Variants in CRTAC1 observed in about 807,000 individuals in gnomAD.
CRTAC1 encodes the protein cartilage acidic protein 1.
Under a neutral mutation model 67.8 loss-of-function variants are expected in CRTAC1, and 37 were observed. The ratio of observed to expected loss-of-function variants is 0.55; its 90% CI spans 0.42 to 0.72. CRTAC1 has a LOEUF of 0.72. Among genes scored for constraint, CRTAC1 ranks in the 30% least tolerant of loss-of-function variants. CRTAC1 has a pLI of 0.00. For synonymous variants in CRTAC1, 348 were observed against 371.0 expected (o/e 0.94, Z 0.71); for missense variants, 780 against 931.6 (o/e 0.84, Z 2.12).
At chr10:97,970,167 TG>T (rs1480458571) in intron 2 of CRTAC1, among the ~76,000 whole-genome samples, 1 of 152,156 alleles carries the variant, frequency 6.6e-6, no homozygotes, top group African/African-American at 2.4e-5. Context: ...TGGCAAATCC[TG>T]TCGGCTCTAC....
intron 2 of CRTAC1, among the ~76,000 whole-genome samples, chr10:98,010,189 G>A (rs1055225611): frequency 5.9e-5 from 9 of 151,960 alleles, no homozygotes; most frequent in South Asian, 2.1e-4. Context: ...ACATGCGCGC[G>A]CCACCATGCC....
At chr10:97,900,735 T>C (rs2050524995) in intron 8 of CRTAC1, among the ~76,000 whole-genome samples, 1 of 125,086 alleles carries the variant, frequency 8.0e-6, no homozygotes, top group Non-Finnish European at 1.7e-5. Context: ...TTGGACCCCG[T>C]AGCCCCTTTT....
chr10:98,021,802 T>C (rs889053016), intron 1 of CRTAC1, among the ~76,000 whole-genome samples: 1 of 152,190 alleles, frequency 6.6e-6, no homozygotes, highest in Non-Finnish European at 1.5e-5. Flanking sequence ...CTCTGGGCTA[T>C]GAGACTTTGA....
At chr10:97,896,095 A>C in intron 9 of CRTAC1, 110 bp from the exon 10 acceptor site, 1 of 918,994 alleles carries the variant, frequency 1.1e-6, no homozygotes, top group Non-Finnish European at 1.7e-6. Context: ...AGCCAGAGAA[A>C]GCACAGCACC....
Position 98,030,513 on chromosome 10 carries a change from G to A in CRTAC1, c.-41C>T, listed in dbSNP as rs577931766. The A allele has an allele frequency of 2.2e-5, 27 of 1,237,686 alleles. No individual in the cohort carries two copies. Among genetic ancestry groups the A allele is most frequent in the Non-Finnish European group, 2.6e-5 (26 of 982,410 alleles). The allele number at this position is 1,237,686 out of a possible 1,614,324, so 76.7% of individuals were successfully genotyped here. A position where few individuals can be genotyped will look rare whatever the true frequency, so the allele number is the denominator to read the frequency against. On this transcript the variant is annotated 5_prime_UTR_variant, in exon 1 of 15. Coordinates refer to ENST00000370597, the MANE Select transcript of CRTAC1 (RefSeq NM_018058.7). The surrounding 1 kb of genome is among the most constrained non-coding windows in gnomAD (Gnocchi z 4.2). ...CCCGCCGCCTAGGGGCGTGGGAAGCGGGCGCTCGCTGCCGCCTCTGCCGCC... is the reference window on the plus strand; with the variant it reads ...CCCGCCGCCTAGGGGCGTGGGAAGCAGGCGCTCGCTGCCGCCTCTGCCGCC...
rs143553479 is a variant in CRTAC1, at chr10:97,879,519, C to T, written c.1819+730G>A. ...CAAACAACTAAGGTTGTGTCAGTAT[C>T]GCCCAACCTTCCCTTTTCAAAGATG... On this transcript the variant is annotated intron_variant, in intron 14 of 14. Transcript: ENST00000370597. 2,597 of 780,764 alleles carry T rather than the reference C, an allele frequency of 3.3e-3. 9 individuals are homozygous for T. The highest frequency in any genetic ancestry group is 4.6e-3 in the Non-Finnish European group (2,386 of 517,252). 48.4% of individuals were successfully genotyped at this position (780,764 alleles called of 1,614,324 possible).
intron 14 of CRTAC1, among the ~76,000 whole-genome samples, chr10:97,873,157 G>C (rs544365595): frequency 1.3e-5 from 2 of 152,232 alleles, no homozygotes; most frequent in South Asian, 4.2e-4. Context: ...AACTTCTTAA[G>C]GCCACTTCCA....
chr10:98,007,903 G>A lies in CRTAC1; in HGVS notation c.224+3235C>T, dbSNP rs562541003. On this transcript the variant is annotated intron_variant, in intron 2 of 14. Coordinates refer to ENST00000370597, the MANE Select transcript of CRTAC1 (RefSeq NM_018058.7). ...AAAAGACTTCATTGAAGAGGAAGAC[G>A]AAATGAATGCCCAGCACTTGGAAAG... Among the ~76,000 whole-genome samples the A allele has an allele frequency of 4.6e-5, 7 of 152,320 alleles. 1 individual carries two copies. The highest frequency in any genetic ancestry group is 6.8e-3 in the Middle Eastern group (2 of 294).
intron 2 of CRTAC1, among the ~76,000 whole-genome samples, chr10:97,972,040 C>T (rs1341134180): frequency 6.6e-6 from 1 of 152,196 alleles, no homozygotes; most frequent in Non-Finnish European, 1.5e-5. Flanking sequence ...AAACTTGTTT[C>T]TACTGGCAGA....
chr10:97,925,578 G>A (rs1367468440), intron 3 of CRTAC1, among the ~76,000 whole-genome samples: 1 of 150,478 alleles, frequency 6.6e-6, no homozygotes, highest in Non-Finnish European at 1.5e-5. Context: ...GAGTGAGTGT[G>A]AGAGTGGGGA....
At chr10:97,875,482 G>T (rs988179154) in intron 14 of CRTAC1, among the ~76,000 whole-genome samples, 2 of 152,208 alleles carry the variant, frequency 1.3e-5, no homozygotes, top group Non-Finnish European at 2.9e-5. Flanking sequence ...GTCATCTGTG[G>T]TGTTAACCAG....
chr10:97,914,860 C>T (rs192197134), intron 5 of CRTAC1, among the ~76,000 whole-genome samples: 1 of 152,324 alleles, frequency 6.6e-6, no homozygotes, highest in East Asian at 1.9e-4. Context: ...CCCAGTCTCT[C>T]TCCCAATCTC....
At chr10:97,908,910 G>A (rs1435690403) in intron 5 of CRTAC1, among the ~76,000 whole-genome samples, 1 of 152,164 alleles carries the variant, frequency 6.6e-6, no homozygotes, top group East Asian at 1.9e-4. Flanking sequence ...GAGAAAAGTG[G>A]GAAAGGCCGC....
intron 11 of CRTAC1, among the ~76,000 whole-genome samples, chr10:97,894,708 TTACATATATATA>T (rs1369892875): frequency 4.0e-4 from 16 of 39,992 alleles, no homozygotes; most frequent in African/African-American, 1.1e-3. Flanking sequence ...CCTGATGCTT[TTACATATATATA>T]TATATATATA....
At chr10:97,939,184 T>C (rs191679793) in intron 2 of CRTAC1, among the ~76,000 whole-genome samples, 82 of 152,260 alleles carry the variant, frequency 5.4e-4, no homozygotes, top group African/African-American at 1.4e-3. Flanking sequence ...GATCATGGCC[T>C]CCTCACATAT....
At position 98,007,588 on chromosome 10, in the gene CRTAC1, T is replaced by C. The variant is rs186186773; in HGVS notation, c.224+3550A>G. Among the ~76,000 whole-genome samples the C allele has an allele frequency of 2.6e-5, 4 of 152,268 alleles. No homozygotes were observed. The East Asian group carries it at 7.7e-4, about 29-fold the overall frequency. ...CTTTGCTGGGGGTGAGCAATAAATA[T>C]CATCTTTCAGAATAACATCCAGCAG... is the stretch of plus-strand genomic sequence containing the variant. On this transcript the variant is annotated intron_variant, in intron 2 of 14. Transcript: ENST00000370597.
chr10:97,960,657 T>C (rs2051511032), intron 2 of CRTAC1, among the ~76,000 whole-genome samples: 1 of 152,264 alleles, frequency 6.6e-6, no homozygotes. Context: ...GGCAGGACCC[T>C]GGACAGAGCC....
chr10:97,937,849 T>C (rs2051113215), intron 2 of CRTAC1, among the ~76,000 whole-genome samples: 1 of 152,244 alleles, frequency 6.6e-6, no homozygotes, highest in Admixed American at 6.5e-5. Context: ...CACCTCTTCC[T>C]GTGTTTCAGC....
chr10:97,927,497 G>A (rs1033048357), intron 3 of CRTAC1, among the ~76,000 whole-genome samples: 28 of 152,334 alleles, frequency 1.8e-4, no homozygotes, highest in Non-Finnish European at 3.5e-4. Context: ...GCTGTCCTTA[G>A]CAAGGTGCCA....
Sources: gnomAD v4.1 joint callset for allele counts (sites outside exome capture counted in the v4.1 genomes callset) on GRCh38, gnomAD v4.1.1 for gene constraint, Gnocchi (gnomAD v3.1) non-coding constraint, MANE v1.5 for transcripts, NCBI Gene and HGNC (gene_info 2026-07-23, HGNC 2026-07-21) for gene names.